The following IL1RAP variants were observed in gnomAD, a reference collection of about 807,000 sequenced individuals.
IL1RAP encodes interleukin 1 receptor accessory protein, also known as interleukin-1 receptor accessory protein.
A neutral mutation model predicts 60.7 loss-of-function variants in IL1RAP; 35 were observed. The ratio of observed to expected loss-of-function variants is 0.58; its 90% CI spans 0.44 to 0.76. The LOEUF (loss-of-function observed/expected upper bound fraction) is 0.76. Ranked by LOEUF, IL1RAP falls within the 30% of genes least tolerant of loss-of-function variation. The pLI is 0.00. For synonymous variants in IL1RAP, 268 were observed against 250.9 expected (o/e 1.07, Z -0.64); for missense variants, 572 against 693.9 (o/e 0.82, Z 1.97).
At chr3:190,617,862 A>G (rs1338142855) in intron 5 of IL1RAP, among the ~76,000 whole-genome samples, 2 of 152,224 alleles carry the variant, frequency 1.3e-5, no homozygotes, top group African/African-American at 4.8e-5. Flanking sequence ...AATGCCCTGA[A>G]TTACCCTCAC....
chr3:190,536,733 C>T (rs986716824), intron 1 of IL1RAP, among the ~76,000 whole-genome samples: 1 of 152,000 alleles, frequency 6.6e-6, no homozygotes, highest in Admixed American at 6.5e-5. Flanking sequence ...AGGGTGACAA[C>T]CATGGTCTAT....
chr3:190,546,936 A>C (rs983556180), intron 1 of IL1RAP, among the ~76,000 whole-genome samples: 1 of 152,214 alleles, frequency 6.6e-6, no homozygotes, highest in Non-Finnish European at 1.5e-5. Flanking sequence ...GGATGTGGCC[A>C]CAAAATGCCC....
In IL1RAP at chr3:190,556,182, G is replaced by A. The variant is rs2108606105; in HGVS notation, c.-36G>A. The A allele has an allele frequency of 1.3e-5, 2 of 152,158 alleles. No individual in the cohort carries two copies. Among genetic ancestry groups the A allele is most frequent in the South Asian group, 4.1e-4 (2 of 4,822 alleles). 9.4% of individuals were successfully genotyped at this position (152,158 alleles called of 1,614,324 possible). Reference sequence around the variant, plus strand: ...ACTAGAACATCAGCAGGCCCTAGAAGCCTCACTCTTGCCCCTCCCTTTAAT... The same window carrying A: ...ACTAGAACATCAGCAGGCCCTAGAAACCTCACTCTTGCCCCTCCCTTTAAT... On this transcript the variant is annotated 5_prime_UTR_variant, in exon 2 of 12. Coordinates refer to ENST00000447382, the MANE Select transcript of IL1RAP (RefSeq NM_002182.4).
At chr3:190,549,834 G>A (rs1724707991) in intron 1 of IL1RAP, among the ~76,000 whole-genome samples, 1 of 152,198 alleles carries the variant, frequency 6.6e-6, no homozygotes, top group Non-Finnish European at 1.5e-5. Flanking sequence ...AGAGGGCAGA[G>A]GAGGAGAAAG....
intron 1 of IL1RAP, among the ~76,000 whole-genome samples, chr3:190,539,895 T>C (rs1723780157): frequency 6.6e-6 from 1 of 152,018 alleles, no homozygotes; most frequent in African/African-American, 2.4e-5. Context: ...ATTATTAAGA[T>C]TAAGACATTG....
rs1375091946 is a variant in IL1RAP at position 190,648,519 on chromosome 3, G to A, written c.1527G>A (p.Thr509=). 5.0e-6 allele frequency: 8 copies of A among 1,614,108 alleles called. No individual in the cohort carries two copies. The highest frequency in any genetic ancestry group is 1.3e-5 in the African/African-American group (1 of 75,010). Residue 509 remains threonine, a synonymous_variant, in exon 12 of 12, where the codon ACG becomes ACA. Transcript: ENST00000447382. ...ILVQYKAVKE[T]KVKELKRAKT... ...TACAGTACAAAGCTGTGAAGGAAAC[G>A]AAGGTGAAAGAGCTGAAGAGGGCTA...
Position 190,556,159 on chromosome 3 carries a change from T to G in IL1RAP, c.-59T>G, listed in dbSNP as rs899901628. ...CGTCATGTGATCATCACCTAAGAAC[T>G]AGAACATCAGCAGGCCCTAGAAGCC... On this transcript the variant is annotated 5_prime_UTR_variant, in exon 2 of 12. Coordinates refer to ENST00000447382, the MANE Select transcript of IL1RAP (RefSeq NM_002182.4). 6.6e-6 allele frequency: 1 copy of G among 152,180 alleles called. No homozygotes were observed. Among genetic ancestry groups the G allele is most frequent in the African/African-American group, 2.4e-5 (1 of 41,446 alleles). The allele number at this position is 152,180 out of a possible 1,614,324, so 9.4% of individuals were successfully genotyped here. A position where few individuals can be genotyped will look rare whatever the true frequency, so the allele number is the denominator to read the frequency against.
intron 3 of IL1RAP, among the ~76,000 whole-genome samples, chr3:190,569,920 C>T (rs998509335): frequency 2.0e-5 from 3 of 152,116 alleles, no homozygotes; most frequent in Non-Finnish European, 4.4e-5. Flanking sequence ...TATCCTTTCC[C>T]TCACTCCCCC....
chr3:190,659,069 G>A lies in IL1RAP; in HGVS notation c.*2462G>A, dbSNP rs915688583. On this transcript the variant is annotated 3_prime_UTR_variant, in exon 12 of 12. Transcript: ENST00000317757. ...AATAATGGGTAATGTAAGCGGCTCC[G>A]AAGCTCAAGGAGGGAGAAGATTCTC... 5.9e-5 allele frequency: 9 copies of A among 152,184 alleles called. No homozygotes were observed. The East Asian group carries it at 1.2e-3, about 20-fold the overall frequency. The allele number at this position is 152,184 out of a possible 1,614,324, so 9.4% of individuals were successfully genotyped here. A position where few individuals can be genotyped will look rare whatever the true frequency, so the allele number is the denominator to read the frequency against.
At chr3:190,516,385 A>G (rs764611451) in intron 1 of IL1RAP, 2 of 152,286 alleles carry the variant, frequency 1.3e-5, no homozygotes, top group Non-Finnish European at 2.9e-5. Flanking sequence ...AGGTCAGATC[A>G]TGAGGATGGA....
rs560810433 is a variant in IL1RAP at position 190,546,566 on chromosome 3, T to C, written c.-88-9564T>C. On this transcript the variant is annotated intron_variant, in intron 1 of 11. Transcript: ENST00000447382. The stretch of plus-strand genomic sequence containing the variant: ...TAATAAGAGCAGATACACTTTTAGG[T>C]ATTTTATATATGTTAACTCATATAA... 3.9e-5 allele frequency among the ~76,000 whole-genome samples: 6 copies of C among 152,328 alleles called. No homozygotes were observed. The South Asian group carries it at 1.2e-3, about 32-fold the overall frequency.
At chr3:190,656,432 A>G, downstream of IL1RAP, 1 of 1,537,252 alleles carries the variant, frequency 6.5e-7, no homozygotes, top group Non-Finnish European at 8.7e-7. Context: ...AGCCGGGCAG[A>G]GATTCATAAC....
At chr3:190,582,453 G>A (rs1319426129) in intron 3 of IL1RAP, among the ~76,000 whole-genome samples, 1 of 151,746 alleles carries the variant, frequency 6.6e-6, no homozygotes, top group Non-Finnish European at 1.5e-5. Context: ...ACACATGGCT[G>A]GGATTACACG....
At position 190,650,829 on chromosome 3, in the gene IL1RAP, C is replaced by T. The variant is rs1347376928; in HGVS notation, c.*2124C>T. ...GATAAGCTTTGAATATCAATTCTTACATAAACTTTAGGCAAACAGGGAATA... is the reference window on the plus strand; with the variant it reads ...GATAAGCTTTGAATATCAATTCTTATATAAACTTTAGGCAAACAGGGAATA... On this transcript the variant is annotated 3_prime_UTR_variant, in exon 12 of 12. Coordinates refer to ENST00000447382, the MANE Select transcript of IL1RAP (RefSeq NM_002182.4). 2 of 985,072 alleles carry T rather than the reference C, an allele frequency of 2.0e-6. No individual in the cohort carries two copies. The highest frequency in any genetic ancestry group is 3.5e-5 in the African/African-American group (2 of 57,222). 61.0% of individuals were successfully genotyped at this position (985,072 alleles called of 1,614,324 possible).
At chr3:190,548,221 C>T (rs1226343468) in intron 1 of IL1RAP, among the ~76,000 whole-genome samples, 1 of 152,080 alleles carries the variant, frequency 6.6e-6, no homozygotes, top group Admixed American at 6.6e-5. Context: ...GAGAATATTC[C>T]ATTCTTAGGA....
At chr3:190,630,446 A>G (rs1160779880) in intron 9 of IL1RAP, among the ~76,000 whole-genome samples, 3 of 152,176 alleles carry the variant, frequency 2.0e-5, no homozygotes, top group African/African-American at 7.2e-5. Context: ...CTCCTAGTCT[A>G]TAGAGTGTGT....
intron 1 of IL1RAP, among the ~76,000 whole-genome samples, chr3:190,541,965 G>T (rs1723972671): frequency 6.6e-6 from 1 of 152,062 alleles, no homozygotes; most frequent in Non-Finnish European, 1.5e-5. Flanking sequence ...CCTTGAATGT[G>T]GTGCACCCAT....
chr3:190,554,060 CAAAAAAAAAAAAAA>C (rs1166716731), intron 1 of IL1RAP, among the ~76,000 whole-genome samples: 3 of 87,906 alleles, frequency 3.4e-5, no homozygotes, highest in African/African-American at 5.1e-5. Context: ...GACTCCGTCT[CAAAAAAAAAAAAAA>C]AAAAAAAAAA....
At chr3:190,528,337 G>A (rs1234112837) in intron 1 of IL1RAP, among the ~76,000 whole-genome samples, 1 of 152,180 alleles carries the variant, frequency 6.6e-6, no homozygotes, top group Non-Finnish European at 1.5e-5. Flanking sequence ...AGACTAGGAA[G>A]CTGGGTAATG....
Sources: allele counts gnomAD v4.1 joint callset (sites outside exome capture counted in the v4.1 genomes callset), GRCh38; gene constraint gnomAD v4.1.1; transcripts MANE v1.5; gene names NCBI Gene and HGNC (gene_info 2026-07-23, HGNC 2026-07-21).